Variants in SLC25A48 observed in about 807,000 individuals in gnomAD.
The protein encoded by SLC25A48 is CTC-321K16.1.
A neutral mutation model predicts 32.2 loss-of-function variants in SLC25A48; 29 were observed. That is an observed-to-expected ratio of 0.90 (90% confidence interval 0.67 to 1.23). SLC25A48 has a LOEUF of 1.23. Ranked by LOEUF, SLC25A48 falls within the 50% of genes most tolerant of loss-of-function variation. The probability of loss-of-function intolerance (pLI) is 0.00; values close to 1 mark genes in which losing one functional copy is unlikely to be tolerated. For missense variants in SLC25A48, 399 were observed against 422.7 expected (o/e 0.94, Z 0.49); for synonymous variants, 164 against 172.3 (o/e 0.95, Z 0.38).
At chr5:135,846,187 TTA>T (rs1462317864) in intron 2 of SLC25A48, among the ~76,000 whole-genome samples, 1 of 152,192 alleles carries the variant, frequency 6.6e-6, no homozygotes, top group Non-Finnish European at 1.5e-5. Context: ...TGATGCCTGA[TTA>T]TCTGATGGTT....
rs910639468 is a variant in SLC25A48 at position 135,888,425 on chromosome 5, CACG to C, written c.*402_*404del. 43 of 238,548 alleles carry C rather than the reference CACG, an allele frequency of 1.8e-4. No individual in the cohort carries two copies. The highest frequency in any genetic ancestry group is 9.2e-4 in the African/African-American group (42 of 45,592). 14.8% of individuals were successfully genotyped at this position (238,548 alleles called of 1,614,324 possible). A position where few individuals can be genotyped will look rare whatever the true frequency, so the allele number is the denominator to read the frequency against. On this transcript the variant is annotated 3_prime_UTR_variant, in exon 8 of 8. Coordinates refer to ENST00000681962, the MANE Select transcript of SLC25A48 (RefSeq NM_001349336.2). ...AGCCACTCCCTCCAGTCTCAAGTAA[CACG>C]TCCCCGTGCCTCCAGTCTCCTCTCA...
At chr5:135,825,475 G>T (rs977946202) in intron 4 of SLC25A48, among the ~76,000 whole-genome samples, 1 of 152,152 alleles carries the variant, frequency 6.6e-6, no homozygotes, top group African/African-American at 2.4e-5. Context: ...TCCCAGCAGG[G>T]TGCCCTTGGA....
chr5:135,774,747 C>T (rs13182452), intron 3 of SLC25A48, among the ~76,000 whole-genome samples: 1 of 72,024 alleles, frequency 1.4e-5, no homozygotes, highest in African/African-American at 5.8e-5. Flanking sequence ...GGAGTGTACA[C>T]CCCCCCCGTG....
At chr5:135,632,325 C>T (rs1205066442) in intron 2 of SLC25A48, among the ~76,000 whole-genome samples, 3 of 152,180 alleles carry the variant, frequency 2.0e-5, no homozygotes, top group Non-Finnish European at 1.5e-5. Flanking sequence ...AGAAGGGAAC[C>T]TGGAGGCACA....
chr5:135,877,300 T>A (rs1762131139), intron 6 of SLC25A48, among the ~76,000 whole-genome samples: 1 of 152,078 alleles, frequency 6.6e-6, no homozygotes, highest in Admixed American at 6.5e-5. Context: ...ACCTTGGTAA[T>A]CTTGGCTCCA....
chr5:135,630,588 C>CTTTTTTTTTTTTTT lies in SLC25A48; in HGVS notation c.-709+1232_-709+1245dup, dbSNP rs869088370. 3.4e-5 allele frequency among the ~76,000 whole-genome samples: 2 copies of CTTTTTTTTTTTTTT among 58,952 alleles called. 1 individual carries two copies. Among genetic ancestry groups the CTTTTTTTTTTTTTT allele is most frequent in the Non-Finnish European group, 6.2e-5 (2 of 32,218 alleles). The allele number at this position is 58,952 out of a possible 152,430, so 38.7% of individuals were successfully genotyped here. On this transcript the variant is annotated intron_variant, in intron 2 of 10. Transcript: ENST00000646290. ...AGGGGAAGATGGTTAGGCTGGGCAC[C>CTTTTTTTTTTTTTT]TTTTTTTTTTTTTTTTTTTTTTTTT...
intron 5 of SLC25A48, 153 bp downstream of exon 5, chr5:135,871,871 G>C (rs898377068): frequency 4.0e-6 from 6 of 1,510,142 alleles, no homozygotes; most frequent in Admixed American, 2.2e-5. Flanking sequence ...CTCTGTCCCC[G>C]GCCCTCTCCC....
chr5:135,850,910 G>T (rs754702832), intron 3 of SLC25A48, among the ~76,000 whole-genome samples: 1 of 152,198 alleles, frequency 6.6e-6, no homozygotes, highest in South Asian at 2.1e-4. Context: ...GTTTACCTGC[G>T]CCCAGGTCAC....
chr5:135,842,183 C>T (rs1759057207), intron 1 of SLC25A48, among the ~76,000 whole-genome samples: 1 of 152,154 alleles, frequency 6.6e-6, no homozygotes, highest in African/African-American at 2.4e-5. Flanking sequence ...CTGTGAATAT[C>T]CACTTGTCCC....
At chr5:135,817,224 G>A (rs940217159) in intron 4 of SLC25A48, among the ~76,000 whole-genome samples, 8 of 152,162 alleles carry the variant, frequency 5.3e-5, no homozygotes, top group African/African-American at 1.9e-4. Context: ...GTAGGTAGAG[G>A]CCAGAGATGC....
chr5:135,611,523 A>AAAAAAAAAAAAAAAAAAAGAAAAAG (rs1752067388), intron 1 of SLC25A48, among the ~76,000 whole-genome samples: 1 of 139,470 alleles, frequency 7.2e-6, no homozygotes, highest in African/African-American at 2.8e-5. Flanking sequence ...AAAAAAAAAA[A>AAAAAAAAAAAAAAAAAAAGAAAAAG]AAAAGAAAAA....
chr5:135,672,679 G>C (rs1314489702), intron 3 of SLC25A48, among the ~76,000 whole-genome samples: 3 of 152,142 alleles, frequency 2.0e-5, no homozygotes, highest in African/African-American at 7.2e-5. Flanking sequence ...TTTTTTCGTA[G>C]TTTTTGCAAA....
chr5:135,818,100 T>A (rs1580912751), intron 4 of SLC25A48, among the ~76,000 whole-genome samples: 2 of 141,374 alleles, frequency 1.4e-5, no homozygotes, highest in Non-Finnish European at 3.1e-5. Flanking sequence ...TCTCTCTCTC[T>A]CTCTCTCTCT....
intron 3 of SLC25A48, among the ~76,000 whole-genome samples, chr5:135,775,544 A>G (rs1297383325): frequency 6.6e-6 from 1 of 151,562 alleles, no homozygotes; most frequent in Non-Finnish European, 1.5e-5. Flanking sequence ...GGGGCTGTAC[A>G]CCCCTCATGT....
chr5:135,771,564 G>T (rs1756411398), intron 3 of SLC25A48, among the ~76,000 whole-genome samples: 1 of 151,596 alleles, frequency 6.6e-6, no homozygotes, highest in South Asian at 2.1e-4. Flanking sequence ...ACACCCTCCT[G>T]TGATATGGTT....
intron 1 of SLC25A48, among the ~76,000 whole-genome samples, chr5:135,587,314 T>C (rs919420047): frequency 6.6e-6 from 1 of 152,236 alleles, no homozygotes; most frequent in Admixed American, 6.5e-5. Context: ...ACTACAGGTG[T>C]GAGCCACCAT....
chr5:135,652,527 C>T (rs1580756310), intron 3 of SLC25A48: 1 of 431,784 alleles, frequency 2.3e-6, no homozygotes, highest in Non-Finnish European at 4.7e-6. Flanking sequence ...CACTATATAC[C>T]CCATTAACTG....
chr5:135,789,303 C>T (rs1756954771), intron 3 of SLC25A48, among the ~76,000 whole-genome samples: 2 of 104,928 alleles, frequency 1.9e-5, no homozygotes, highest in African/African-American at 3.1e-5. Context: ...TCGTAATATC[C>T]AAGGGAGAAA....
At chr5:135,795,302 T>A (rs1334238140) in intron 3 of SLC25A48, among the ~76,000 whole-genome samples, 1 of 151,854 alleles carries the variant, frequency 6.6e-6, no homozygotes, top group African/African-American at 2.4e-5. Flanking sequence ...GGGGAGAGGA[T>A]GATATTACTC....
Sources: gnomAD v4.1 joint callset for allele counts (sites outside exome capture counted in the v4.1 genomes callset) on GRCh38, gnomAD v4.1.1 for gene constraint, MANE v1.5 for transcripts, NCBI Gene and HGNC (gene_info 2026-07-23, HGNC 2026-07-21) for gene names.